Variants in PTPRM observed in about 807,000 individuals in gnomAD.
PTPRM encodes protein tyrosine phosphatase receptor type M, also known as receptor-type tyrosine-protein phosphatase mu.
In PTPRM, 47 loss-of-function variants were observed where a neutral mutation model predicts 186.7. The observed-to-expected ratio is 0.25, with a 90% CI of 0.20 to 0.32. The LOEUF is 0.32. PTPRM is among the 10% of genes least tolerant of loss of function. The pLI is 1.00. For synonymous variants in PTPRM, 668 were observed against 674.9 expected (o/e 0.99, Z 0.16); for missense variants, 1,494 against 1,865.0 (o/e 0.80, Z 3.66).
At chr18:7,891,192 T>G (rs1252519553) in intron 3 of PTPRM, among the ~76,000 whole-genome samples, 1 of 151,436 alleles carries the variant, frequency 6.6e-6, no homozygotes, top group African/African-American at 2.4e-5. Context: ...AGGCTGAGGC[T>G]GGAAGATCGC....
chr18:8,395,535 C>A (rs554971024), intron 32 of PTPRM, among the ~76,000 whole-genome samples: 2 of 152,250 alleles, frequency 1.3e-5, no homozygotes, highest in African/African-American at 4.8e-5. Flanking sequence ...CAAACGTGTC[C>A]CACTCATCAC....
In PTPRM at chr18:8,171,564, G is replaced by A. The variant is rs189476341; in HGVS notation, c.2300+27785G>A. On this transcript the variant is annotated intron_variant, in intron 14 of 32. Transcript: ENST00000580170. ...ACCAAGAGAAAACATGGCAGTTTGG[G>A]GGTAAATGTGTTTGTTTCTATGTCC... 3.2e-4 allele frequency among the ~76,000 whole-genome samples: 48 copies of A among 152,258 alleles called. No homozygotes were observed. The East Asian group carries it at 8.1e-3, about 26-fold the overall frequency.
chr18:8,316,710 G>T (rs1255771996), intron 21 of PTPRM, among the ~76,000 whole-genome samples: 2 of 152,120 alleles, frequency 1.3e-5, no homozygotes, highest in African/African-American at 4.8e-5. Flanking sequence ...ATTCTGTATG[G>T]TCAATTAGAA....
intron 2 of PTPRM, among the ~76,000 whole-genome samples, chr18:7,795,279 G>T (rs1250903378): frequency 6.6e-6 from 1 of 152,126 alleles, no homozygotes; most frequent in African/African-American, 2.4e-5. Context: ...TCTGACCGTA[G>T]CCTGGTTCAT....
At chr18:7,842,839 TATAG>T (rs1459106099) in intron 2 of PTPRM, among the ~76,000 whole-genome samples, 16 of 85,274 alleles carry the variant, frequency 1.9e-4, no homozygotes, top group Admixed American at 4.3e-4. Flanking sequence ...TATATATATA[TATAG>T]AGAGAGAGAG....
At chr18:7,596,964 G>A (rs370726654) in intron 1 of PTPRM, among the ~76,000 whole-genome samples, 11 of 151,262 alleles carry the variant, frequency 7.3e-5, no homozygotes, top group African/African-American at 2.7e-4. Context: ...AGCGATTCTC[G>A]TGCTTCAGCC....
intron 20 of PTPRM, among the ~76,000 whole-genome samples, chr18:8,304,176 T>C (rs1012253019): frequency 1.2e-4 from 18 of 152,222 alleles, no homozygotes; most frequent in African/African-American, 3.4e-4. Flanking sequence ...AAGTTAAAAC[T>C]GCATGACTAT....
At chr18:8,005,278 C>A (rs1264028152) in intron 7 of PTPRM, among the ~76,000 whole-genome samples, 1 of 152,132 alleles carries the variant, frequency 6.6e-6, no homozygotes, top group East Asian at 1.9e-4. Flanking sequence ...CAAGTAGAGC[C>A]ATCTGATTTT....
At chr18:7,614,697 A>G (rs770365372) in intron 1 of PTPRM, among the ~76,000 whole-genome samples, 3 of 152,110 alleles carry the variant, frequency 2.0e-5, no homozygotes, top group Non-Finnish European at 4.4e-5. Flanking sequence ...TATACTGTTC[A>G]TTTTTCATTA....
chr18:8,115,311 A>G (rs2091914501), intron 13 of PTPRM, among the ~76,000 whole-genome samples: 1 of 152,122 alleles, frequency 6.6e-6, no homozygotes, highest in Non-Finnish European at 1.5e-5. Flanking sequence ...CCTAGTAACC[A>G]GGTTATGTTG....
chr18:7,859,362 A>G (rs142368134), intron 2 of PTPRM, among the ~76,000 whole-genome samples: 52 of 152,318 alleles, frequency 3.4e-4, no homozygotes, highest in Non-Finnish European at 1.0e-4. Flanking sequence ...CTTTAGACAC[A>G]GAGCTCAGAT....
chr18:7,696,742 C>G (rs569758880), intron 1 of PTPRM, among the ~76,000 whole-genome samples: 1 of 152,336 alleles, frequency 6.6e-6, no homozygotes, highest in South Asian at 2.1e-4. Flanking sequence ...CTTGCATGTT[C>G]CTCTGCCATA....
Position 7,668,471 on chromosome 18 carries a change from G to A in PTPRM, c.73+100580G>A, listed in dbSNP as rs984162461. Among the ~76,000 whole-genome samples the A allele has an allele frequency of 1.3e-5, 2 of 152,186 alleles. No individual in the cohort carries two copies. The highest frequency in any genetic ancestry group is 2.9e-5 in the Non-Finnish European group (2 of 68,034). The stretch of plus-strand genomic sequence containing the variant: ...TCCCTGCTTGGCCCCTTGACTCCTA[G>A]AGAAGAATCCTCAGAACATTAGGCA... On this transcript the variant is annotated intron_variant, in intron 1 of 32. Coordinates refer to ENST00000580170, the MANE Select transcript of PTPRM (RefSeq NM_001105244.2). The surrounding 1 kb of genome is among the most constrained non-coding windows in gnomAD (Gnocchi z 4.7).
intron 4 of PTPRM, among the ~76,000 whole-genome samples, chr18:7,910,503 C>T (rs1484153126): frequency 6.6e-6 from 1 of 152,204 alleles, no homozygotes; most frequent in Non-Finnish European, 1.5e-5. Flanking sequence ...CTAGAGGTTT[C>T]CCATTGGTTA....
intron 19 of PTPRM, among the ~76,000 whole-genome samples, chr18:8,289,565 T>TATATATATACATATATATATAC (rs1199950221): frequency 3.6e-4 from 35 of 96,582 alleles, no homozygotes; most frequent in Middle Eastern, 4.2e-3. Flanking sequence ...TATATACACA[T>TATATATATACATATATATATAC]ATATATATAT....
chr18:7,868,430 GT>G (rs946027664), intron 2 of PTPRM, among the ~76,000 whole-genome samples: 2 of 152,166 alleles, frequency 1.3e-5, no homozygotes, highest in African/African-American at 4.8e-5. Flanking sequence ...CTGTTTGTTA[GT>G]TTTCCTTCTA....
chr18:7,840,870 A>G (rs1161619990), intron 2 of PTPRM, among the ~76,000 whole-genome samples: 1 of 152,204 alleles, frequency 6.6e-6, no homozygotes, highest in Non-Finnish European at 1.5e-5. Context: ...TTATATTAAA[A>G]CTAACATAAA....
At chr18:7,921,317 T>TTTA (rs2050848985) in intron 4 of PTPRM, among the ~76,000 whole-genome samples, 1 of 152,090 alleles carries the variant, frequency 6.6e-6, no homozygotes, top group African/African-American at 2.4e-5. Flanking sequence ...TTCAAATAGC[T>TTTA]GTCTTCAAAT....
At chr18:8,386,981 G>T (rs189447742) in intron 30 of PTPRM, 91 bp from the exon 31 acceptor site, 2 of 1,304,236 alleles carry the variant, frequency 1.5e-6, no homozygotes, top group Admixed American at 3.8e-5. Context: ...TTAATAATGG[G>T]AAGATCAAGT....
Sources: gnomAD v4.1 joint callset for allele counts (sites outside exome capture counted in the v4.1 genomes callset) on GRCh38, gnomAD v4.1.1 for gene constraint, Gnocchi (gnomAD v3.1) non-coding constraint, MANE v1.5 for transcripts, NCBI Gene and HGNC (gene_info 2026-07-23, HGNC 2026-07-21) for gene names.